Variants in MACROD1 observed in about 807,000 individuals in gnomAD.
MACROD1 encodes the protein ADP-ribose glycohydrolase MACROD1.
MACROD1 carries 31 observed loss-of-function variants against 41.4 expected under a neutral mutation model. That is an observed-to-expected ratio of 0.75 (90% CI 0.56 to 1.01). The LOEUF (loss-of-function observed/expected upper bound fraction) is 1.01. MACROD1 is among the 50% of genes least tolerant of loss of function. The pLI is 0.00. For synonymous variants in MACROD1, 252 were observed against 203.4 expected, an observed-to-expected ratio of 1.24 and a Z score of -2.03; for missense variants, 473 against 460.0, an observed-to-expected ratio of 1.03 and a Z score of -0.26.
At chr11:64,095,940 C>T (rs1447552398) in intron 3 of MACROD1, among the ~76,000 whole-genome samples, 1 of 150,834 alleles carries the variant, frequency 6.6e-6, no homozygotes, top group Non-Finnish European at 1.5e-5. Flanking sequence ...GACAGCTCCT[C>T]GCTTTCTCCC....
At chr11:64,136,608 G>GT (rs1945336063) in intron 3 of MACROD1, among the ~76,000 whole-genome samples, 1 of 152,236 alleles carries the variant, frequency 6.6e-6, no homozygotes, top group African/African-American at 2.4e-5. Flanking sequence ...GACAAGGCCT[G>GT]TGGGGGTAAC....
chr11:64,089,371 C>A (rs952459305), intron 3 of MACROD1, among the ~76,000 whole-genome samples: 1 of 152,178 alleles, frequency 6.6e-6, no homozygotes, highest in Non-Finnish European at 1.5e-5. Flanking sequence ...CGCAAGTCCC[C>A]TAGACCTGGG....
At chr11:64,134,588 T>C (rs1945307378) in intron 3 of MACROD1, among the ~76,000 whole-genome samples, 1 of 152,010 alleles carries the variant, frequency 6.6e-6, no homozygotes, top group African/African-American at 2.4e-5. Flanking sequence ...ACCTACTACA[T>C]GCGGGTTTGG....
chr11:64,014,436 T>G (rs1943053767), intron 4 of MACROD1, among the ~76,000 whole-genome samples: 1 of 152,236 alleles, frequency 6.6e-6, no homozygotes, highest in South Asian at 2.1e-4. Context: ...ATGCCCCTTT[T>G]ATTTTTCCCC....
At chr11:64,037,788 C>T (rs1943411109) in intron 3 of MACROD1, among the ~76,000 whole-genome samples, 1 of 152,222 alleles carries the variant, frequency 6.6e-6, no homozygotes, top group Non-Finnish European at 1.5e-5. Flanking sequence ...CTGGACTTCA[C>T]CTAGACCTGG....
Position 64,036,415 on chromosome 11 carries a change from G to A in MACROD1, c.518-21134C>T, listed in dbSNP as rs1455061392. On this transcript the variant is annotated intron_variant, in intron 3 of 10. Transcript: ENST00000255681. This position sits in a 1 kb window ranked among gnomAD's most constrained non-coding sequence, Gnocchi z 5.6. ...GGAGGCGCGGGGTGCGCGGCCGGCG[G>A]CTCAGCTCTCCCGAGCCGAGGCTGG... 1.3e-5 allele frequency among the ~76,000 whole-genome samples: 2 copies of A among 152,190 alleles called. No individual in the cohort carries two copies. Among genetic ancestry groups the A allele is most frequent in the Non-Finnish European group, 2.9e-5 (2 of 68,016 alleles).
chr11:64,073,363 G>C (rs989321416), intron 3 of MACROD1, among the ~76,000 whole-genome samples: 2 of 152,220 alleles, frequency 1.3e-5, no homozygotes, highest in Non-Finnish European at 2.9e-5. Flanking sequence ...CTCTGAGGCA[G>C]CCCAGACCAG....
At position 64,096,733 on chromosome 11, in the gene MACROD1, C is replaced by A. The variant is rs931740650; in HGVS notation, c.517+54506G>T. 6.6e-6 allele frequency among the ~76,000 whole-genome samples: 1 copy of A among 152,166 alleles called. No homozygotes were observed. The highest frequency in any genetic ancestry group is 2.4e-5 in the African/African-American group (1 of 41,456). ...CACCCTACCCTCTCCCCCTTTTGTG[C>A]CTAGAGTTGCTCTGTGAAGGGGCAG... On this transcript the variant is annotated intron_variant, in intron 3 of 10. Coordinates refer to ENST00000255681, the MANE Select transcript of MACROD1 (RefSeq NM_014067.4). This position sits in a 1 kb window ranked among gnomAD's most constrained non-coding sequence, Gnocchi z 4.6.
At chr11:64,033,702 G>A (rs1402190430) in intron 3 of MACROD1, among the ~76,000 whole-genome samples, 2 of 151,962 alleles carry the variant, frequency 1.3e-5, no homozygotes, top group East Asian at 1.9e-4. Flanking sequence ...TTAGCCAGGC[G>A]TAGTGGTGCA....
chr11:64,156,194 T>C (rs1288289120), intron 1 of MACROD1, among the ~76,000 whole-genome samples: 7 of 151,324 alleles, frequency 4.6e-5, no homozygotes, highest in Non-Finnish European at 1.0e-4. Context: ...GGCAGGAGGA[T>C]CGCTTCAGCC....
chr11:64,086,410 C>G (rs1565225920), intron 3 of MACROD1, among the ~76,000 whole-genome samples: 1 of 151,996 alleles, frequency 6.6e-6, no homozygotes, highest in Non-Finnish European at 1.5e-5. Context: ...TGGAACATTC[C>G]CTCCCCACCC....
chr11:64,154,862 C>G (rs113286890), intron 1 of MACROD1, among the ~76,000 whole-genome samples: 1 of 152,126 alleles, frequency 6.6e-6, no homozygotes, highest in Non-Finnish European at 1.5e-5. Context: ...TGGGATTACA[C>G]GCGTGTGCCA....
At chr11:64,056,500 G>T (rs147824954) in intron 3 of MACROD1, among the ~76,000 whole-genome samples, 1 of 152,214 alleles carries the variant, frequency 6.6e-6, no homozygotes, top group African/African-American at 2.4e-5. Flanking sequence ...GAAGACAGAC[G>T]GACGGAGAGA....
chr11:64,060,307 T>C (rs1943875625), intron 3 of MACROD1: 1 of 152,178 alleles, frequency 6.6e-6, no homozygotes, highest in Non-Finnish European at 1.5e-5. Flanking sequence ...TGCAGGCCGA[T>C]CTGGGCCTCA....
chr11:64,046,393 C>G (rs1943584143), intron 3 of MACROD1, among the ~76,000 whole-genome samples: 1 of 152,160 alleles, frequency 6.6e-6, no homozygotes, highest in Admixed American at 6.5e-5. Context: ...GCCCTGGGTT[C>G]CCAAAGTGTC....
intron 4 of MACROD1, among the ~76,000 whole-genome samples, chr11:64,014,898 T>C (rs1051201799): frequency 3.3e-5 from 5 of 152,132 alleles, no homozygotes; most frequent in Non-Finnish European, 7.4e-5. Flanking sequence ...GTAGAGATGA[T>C]AATTTTGCCC....
intron 3 of MACROD1, among the ~76,000 whole-genome samples, chr11:64,040,752 C>G (rs920880257): frequency 1.3e-5 from 2 of 152,084 alleles, no homozygotes; most frequent in African/African-American, 4.8e-5. Context: ...CCTGAATGTT[C>G]CCGGTGCAGG....
intron 3 of MACROD1, chr11:64,118,469 A>G: frequency 1.6e-6 from 1 of 609,460 alleles, no homozygotes. Context: ...AACAGTGACA[A>G]TTTTTTTTAA....
chr11:64,020,697 A>C (rs1590806454), intron 3 of MACROD1, among the ~76,000 whole-genome samples: 2 of 151,382 alleles, frequency 1.3e-5, no homozygotes, highest in East Asian at 3.9e-4. Context: ...AATCACTATC[A>C]CTGCCTCCAG....
Sources: allele counts gnomAD v4.1 joint callset (sites outside exome capture counted in the v4.1 genomes callset), GRCh38; gene constraint gnomAD v4.1.1; non-coding constraint Gnocchi (gnomAD v3.1); transcripts MANE v1.5; gene names NCBI Gene and HGNC (gene_info 2026-07-23, HGNC 2026-07-21).